Variants in CEP70 observed in about 807,000 individuals in gnomAD.
CEP70 encodes the protein centrosomal protein 70.
CEP70 carries 70 observed loss-of-function variants against 90.9 expected under a neutral mutation model. That is an observed-to-expected ratio of 0.77 (90% CI 0.64 to 0.94). CEP70 has a LOEUF of 0.94. CEP70 is among the 40% of genes least tolerant of loss of function. The probability of loss-of-function intolerance (pLI) is 0.00; values close to 1 mark genes in which losing one functional copy is unlikely to be tolerated. For missense variants in CEP70, 648 were observed against 669.0 expected (o/e 0.97, Z 0.35); for synonymous variants, 220 against 228.3 (o/e 0.96, Z 0.33).
intron 2 of CEP70, among the ~76,000 whole-genome samples, chr3:138,584,303 C>T (rs759806856): frequency 2.0e-5 from 3 of 151,874 alleles, no homozygotes; most frequent in Non-Finnish European, 2.9e-5. Context: ...AGAAAAGCCT[C>T]GGACTCCATG....
intron 17 of CEP70, chr3:138,497,107 A>C: frequency 9.5e-7 from 1 of 1,053,016 alleles, no homozygotes; most frequent in African/African-American, 1.7e-5. Flanking sequence ...ACTTGCTGTG[A>C]TCTTTTTAAA....
At chr3:138,527,982 AT>A (rs1293531104) in intron 10 of CEP70, among the ~76,000 whole-genome samples, 1 of 151,134 alleles carries the variant, frequency 6.6e-6, no homozygotes, top group Non-Finnish European at 1.5e-5. Context: ...CTGTACATCA[AT>A]TGTAACTCAA....
chr3:138,554,903 A>G (rs1216367314), intron 6 of CEP70, among the ~76,000 whole-genome samples: 3 of 152,120 alleles, frequency 2.0e-5, no homozygotes, highest in Non-Finnish European at 4.4e-5. Flanking sequence ...GTGCTGGGAT[A>G]ATTGGCACGC....
rs145542120 is a variant in CEP70 at position 138,552,925 on chromosome 3, C to T, written c.466-15578G>A. Among the ~76,000 whole-genome samples, 856 of 152,134 alleles carry T rather than the reference C, an allele frequency of 5.6e-3. 6 individuals carry two copies. Among genetic ancestry groups the T allele is most frequent in the African/African-American group, 0.02 (825 of 41,504 alleles). On this transcript the variant is annotated intron_variant, in intron 6 of 17. Transcript: ENST00000264982. The stretch of plus-strand genomic sequence containing the variant: ...TGAAAAGATAAATAAAATTGATAGA[C>T]CACTAGCAAGATGAACCAAGAGAAG...
intron 6 of CEP70, among the ~76,000 whole-genome samples, chr3:138,548,362 T>A (rs961318564): frequency 6.6e-6 from 1 of 152,220 alleles, no homozygotes; most frequent in African/African-American, 2.4e-5. Context: ...GGTTTTCCTT[T>A]CTAAGATCAT....
intron 11 of CEP70, among the ~76,000 whole-genome samples, chr3:138,511,877 C>T (rs1425605554): frequency 6.6e-6 from 1 of 152,166 alleles, no homozygotes; most frequent in Non-Finnish European, 1.5e-5. Flanking sequence ...AAATATCTGC[C>T]ATTAACAGTA....
intron 6 of CEP70, among the ~76,000 whole-genome samples, chr3:138,559,724 C>T (rs1299823274): frequency 1.3e-5 from 2 of 151,888 alleles, no homozygotes; most frequent in East Asian, 3.9e-4. Flanking sequence ...GACTCTATAC[C>T]AAAAACAAAA....
chr3:138,501,855 A>G (rs1287123540), intron 13 of CEP70, among the ~76,000 whole-genome samples: 1 of 152,206 alleles, frequency 6.6e-6, no homozygotes, highest in Non-Finnish European at 1.5e-5. Context: ...ACTCAAAAGA[A>G]ATGCTCATTG....
chr3:138,526,209 G>A (rs1319992916), intron 10 of CEP70, among the ~76,000 whole-genome samples: 3 of 151,984 alleles, frequency 2.0e-5, no homozygotes, highest in Admixed American at 6.6e-5. Context: ...CACCTAGGCT[G>A]GAGTGCAGTG....
intron 6 of CEP70, among the ~76,000 whole-genome samples, chr3:138,557,699 T>C (rs9880928): frequency 0.1 from 15,273 of 152,112 alleles, 1,033 homozygotes; most frequent in East Asian, 0.38. Context: ...AGACTACAAA[T>C]TGGGTTCAGT....
At position 138,556,904 on chromosome 3, in the gene CEP70, T is replaced by C. The variant is rs998758882; in HGVS notation, c.465+13414A>G. On this transcript the variant is annotated intron_variant, in intron 6 of 17. Coordinates refer to ENST00000264982, the MANE Select transcript of CEP70 (RefSeq NM_024491.4). Reference sequence around the variant, plus strand: ...ATTGCTAATGAAGTTTCGGGCATCATTGTCATTGATAACATCTTTTCAGAA... The same window carrying C: ...ATTGCTAATGAAGTTTCGGGCATCACTGTCATTGATAACATCTTTTCAGAA... 5.9e-5 allele frequency among the ~76,000 whole-genome samples: 9 copies of C among 152,154 alleles called. 1 individual carries two copies. The highest frequency in any genetic ancestry group is 2.1e-4 in the South Asian group (1 of 4,824).
At chr3:138,520,762 C>G (rs141536863) in intron 11 of CEP70, among the ~76,000 whole-genome samples, 4 of 152,276 alleles carry the variant, frequency 2.6e-5, no homozygotes, top group African/African-American at 9.6e-5. Context: ...CTTAACATCA[C>G]AATTAAAAGA....
intron 17 of CEP70, chr3:138,496,519 G>A: frequency 1.0e-6 from 1 of 985,392 alleles, no homozygotes; most frequent in Non-Finnish European, 1.2e-6. Flanking sequence ...TTCTCATTAA[G>A]TGAGAAACCT....
At chr3:138,568,698 A>C (rs2040948509) in intron 6 of CEP70, among the ~76,000 whole-genome samples, 1 of 152,132 alleles carries the variant, frequency 6.6e-6, no homozygotes, top group Non-Finnish European at 1.5e-5. Flanking sequence ...AAGCCAACCT[A>C]GGCCGGGCGC....
chr3:138,542,670 A>G (rs1327065100), intron 6 of CEP70, among the ~76,000 whole-genome samples: 3 of 152,182 alleles, frequency 2.0e-5, no homozygotes, highest in Admixed American at 1.3e-4. Context: ...GCCCCTAGAA[A>G]GGTCACCACT....
chr3:138,539,345 A>C (rs1016226633), intron 6 of CEP70, among the ~76,000 whole-genome samples: 1 of 152,122 alleles, frequency 6.6e-6, no homozygotes, highest in Non-Finnish European at 1.5e-5. Flanking sequence ...TTTTCATGTT[A>C]TATCTCTATA....
intron 7 of CEP70, among the ~76,000 whole-genome samples, chr3:138,534,977 C>T (rs940094904): frequency 9.9e-5 from 15 of 152,230 alleles, no homozygotes; most frequent in Non-Finnish European, 1.8e-4. Flanking sequence ...CTACTACAAC[C>T]GATTCCTAAC....
chr3:138,525,526 A>C lies in CEP70; in HGVS notation c.908T>G (p.Val303Gly), dbSNP rs1438104531. Reference protein sequence around the residue: ...QHELRLYKQQVKKLEKALKKN... With the variant: ...QHELRLYKQQGKKLEKALKKN... ...CTTAAGGGCTTTTTCCAGCTTCTTC[A>C]CCTGCTGTTTATAAAGTCTTAATTC... The change falls in exon 11 of 18, where the codon GTG (valine) becomes GGG (glycine). Residue 303 changes from valine (V) to glycine (G), a missense_variant. Coordinates refer to ENST00000264982, the MANE Select transcript of CEP70 (RefSeq NM_024491.4). 2 of 1,423,222 alleles carry C rather than the reference A, an allele frequency of 1.4e-6. No homozygotes were observed. Among genetic ancestry groups the C allele is most frequent in the Non-Finnish European group, 1.8e-6 (2 of 1,081,294 alleles). The allele number at this position is 1,423,222 out of a possible 1,614,324, so 88.2% of individuals were successfully genotyped here. A position where few individuals can be genotyped will look rare whatever the true frequency, so the allele number is the denominator to read the frequency against.
chr3:138,540,725 C>A (rs553289241), intron 6 of CEP70, among the ~76,000 whole-genome samples: 1 of 152,102 alleles, frequency 6.6e-6, no homozygotes, highest in South Asian at 2.1e-4. Flanking sequence ...ACCATTTGAC[C>A]CAGCAATCTC....
Sources: gnomAD v4.1 joint callset for allele counts (sites outside exome capture counted in the v4.1 genomes callset) on GRCh38, gnomAD v4.1.1 for gene constraint, MANE v1.5 for transcripts, NCBI Gene and HGNC (gene_info 2026-07-23, HGNC 2026-07-21) for gene names.